Variants in PRDM5 observed in about 807,000 individuals in gnomAD.
PRDM5 encodes PR domain zinc finger protein 5.
Under a neutral mutation model 81.2 loss-of-function variants are expected in PRDM5, and 56 were observed. That is an observed-to-expected ratio of 0.69 (90% confidence interval 0.56 to 0.86). The LOEUF is 0.86. PRDM5 is among the 40% of genes least tolerant of loss of function. PRDM5 has a pLI of 0.00. For synonymous variants in PRDM5, 267 were observed against 256.4 expected (o/e 1.04, Z -0.39); for missense variants, 697 against 770.1 (o/e 0.91, Z 1.12).
At chr4:120,918,513 T>C (rs1001345274) in intron 1 of PRDM5, among the ~76,000 whole-genome samples, 1 of 152,240 alleles carries the variant, frequency 6.6e-6, no homozygotes, top group African/African-American at 2.4e-5. Context: ...TACAGGCTTT[T>C]ATTTACTTAT....
chr4:120,911,643 T>C (rs901117255), intron 1 of PRDM5, among the ~76,000 whole-genome samples: 2 of 152,166 alleles, frequency 1.3e-5, no homozygotes, highest in Admixed American at 1.3e-4. Flanking sequence ...CTCAGAATTG[T>C]GGGGAAAAGC....
intron 10 of PRDM5, among the ~76,000 whole-genome samples, chr4:120,791,613 G>A (rs936653369): frequency 5.9e-5 from 9 of 152,156 alleles, no homozygotes; most frequent in African/African-American, 2.2e-4. Context: ...GACACTGAGT[G>A]ACATCTCATT....
At chr4:120,756,426 A>T (rs1285913367) in intron 13 of PRDM5, among the ~76,000 whole-genome samples, 5 of 152,124 alleles carry the variant, frequency 3.3e-5, no homozygotes, top group Admixed American at 2.6e-4. Flanking sequence ...ACACTTTTTT[A>T]CTCACTTCTC....
chr4:120,787,231 C>T (rs893954107), intron 10 of PRDM5, among the ~76,000 whole-genome samples: 3 of 151,998 alleles, frequency 2.0e-5, no homozygotes, highest in Admixed American at 6.6e-5. Context: ...GGTGGGTATT[C>T]GGGTGACCTA....
intron 2 of PRDM5, among the ~76,000 whole-genome samples, chr4:120,894,470 T>C (rs891802312): frequency 6.6e-5 from 10 of 152,224 alleles, no homozygotes; most frequent in Non-Finnish European, 1.3e-4. Context: ...TTAATATTTC[T>C]TCTGGCGCAA....
chr4:120,726,926 G>A (rs761707892), intron 14 of PRDM5, among the ~76,000 whole-genome samples: 2 of 152,224 alleles, frequency 1.3e-5, no homozygotes, highest in African/African-American at 4.8e-5. Context: ...TGCTCTGCCA[G>A]TGGGGAGTAG....
chr4:120,854,538 T>C (rs575538472), intron 2 of PRDM5, among the ~76,000 whole-genome samples: 48 of 152,280 alleles, frequency 3.2e-4, no homozygotes, highest in African/African-American at 1.1e-3. Context: ...CAATAAGGTA[T>C]GTATTTTCAT....
chr4:120,792,947 T>C (rs574457929), intron 10 of PRDM5, among the ~76,000 whole-genome samples: 2 of 151,996 alleles, frequency 1.3e-5, no homozygotes, highest in Admixed American at 6.6e-5. Flanking sequence ...TGGGAAGATG[T>C]TGGTCAAGGG....
chr4:120,785,646 T>C (rs1281930125), intron 10 of PRDM5, among the ~76,000 whole-genome samples: 1 of 152,184 alleles, frequency 6.6e-6, no homozygotes, highest in Non-Finnish European at 1.5e-5. Context: ...AAATATTTAA[T>C]TTGTGTCAAA....
intron 2 of PRDM5, among the ~76,000 whole-genome samples, chr4:120,906,587 A>G (rs575983949): frequency 6.6e-6 from 1 of 152,278 alleles, no homozygotes; most frequent in South Asian, 2.1e-4. Context: ...TCCTTTTTCT[A>G]ATGCCTAGAA....
intron 2 of PRDM5, among the ~76,000 whole-genome samples, chr4:120,887,268 C>A (rs1763541568): frequency 6.6e-6 from 1 of 151,068 alleles, no homozygotes; most frequent in Non-Finnish European, 1.5e-5. Flanking sequence ...AATACACAAT[C>A]CATCAGCAAG....
chr4:120,802,893 A>G (rs1270311327), intron 8 of PRDM5, among the ~76,000 whole-genome samples: 1 of 152,226 alleles, frequency 6.6e-6, no homozygotes, highest in African/African-American at 2.4e-5. Context: ...AAGGCTTCAG[A>G]CGATCAAACT....
At chr4:120,818,854 T>C (rs1027413602) in intron 4 of PRDM5, among the ~76,000 whole-genome samples, 10 of 152,192 alleles carry the variant, frequency 6.6e-5, no homozygotes, top group African/African-American at 1.7e-4. Flanking sequence ...AAATTGGTCA[T>C]TTTTAGCTCA....
intron 2 of PRDM5, among the ~76,000 whole-genome samples, chr4:120,893,126 C>T (rs1204939904): frequency 6.6e-6 from 1 of 152,204 alleles, no homozygotes; most frequent in African/African-American, 2.4e-5. Flanking sequence ...CGGCTCTCTG[C>T]CTCAGTCCAG....
intron 3 of PRDM5, among the ~76,000 whole-genome samples, chr4:120,826,112 T>C (rs1370917598): frequency 1.3e-5 from 2 of 152,142 alleles, no homozygotes; most frequent in Non-Finnish European, 2.9e-5. Flanking sequence ...ACCAGTCATA[T>C]TCCCAGAGAC....
intron 14 of PRDM5, among the ~76,000 whole-genome samples, chr4:120,744,137 C>T (rs1383471059): frequency 4.6e-5 from 7 of 152,192 alleles, no homozygotes; most frequent in Admixed American, 2.0e-4. Flanking sequence ...CACTCAAAAC[C>T]GCTCAACTAC....
At chr4:120,841,709 A>G (rs1007306011) in intron 3 of PRDM5, among the ~76,000 whole-genome samples, 3 of 152,178 alleles carry the variant, frequency 2.0e-5, no homozygotes, top group African/African-American at 7.2e-5. Flanking sequence ...CTTCAAAAAT[A>G]CACACCACAC....
At chr4:120,802,798 G>A (rs1302870988) in intron 8 of PRDM5, among the ~76,000 whole-genome samples, 2 of 152,186 alleles carry the variant, frequency 1.3e-5, no homozygotes, top group Non-Finnish European at 2.9e-5. Context: ...AAATCAGAGC[G>A]CTTCTCCCCC....
intron 14 of PRDM5, among the ~76,000 whole-genome samples, chr4:120,726,341 G>A (rs558188131): frequency 6.6e-6 from 1 of 152,274 alleles, no homozygotes; most frequent in South Asian, 2.1e-4. Flanking sequence ...GACATAGAGA[G>A]CCTCATGGAC....
Sources: gnomAD v4.1 joint callset for allele counts (sites outside exome capture counted in the v4.1 genomes callset) on GRCh38, gnomAD v4.1.1 for gene constraint, MANE v1.5 for transcripts, NCBI Gene and HGNC (gene_info 2026-07-23, HGNC 2026-07-21) for gene names.